Variants in CSMD2 observed in about 807,000 individuals in gnomAD.
The protein encoded by CSMD2 is CUB and Sushi multiple domains 2.
A neutral mutation model predicts 398.5 loss-of-function variants in CSMD2; 130 were observed. The ratio of observed to expected loss-of-function variants is 0.33; its 90% CI spans 0.28 to 0.38. CSMD2 has a LOEUF of 0.38. Among genes scored for constraint, CSMD2 ranks in the 10% least tolerant of loss-of-function variants. The pLI, the probability that CSMD2 is intolerant of heterozygous loss-of-function variation, is 1.00. For missense variants in CSMD2, 3,829 were observed against 4,764.9 expected (o/e 0.80, Z 5.78); for synonymous variants, 1,828 against 1,908.5 (o/e 0.96, Z 1.10).
intron 25 of CSMD2, among the ~76,000 whole-genome samples, chr1:33,687,125 T>C (rs1290141600): frequency 1.3e-5 from 2 of 152,186 alleles, no homozygotes; most frequent in African/African-American, 4.8e-5. Flanking sequence ...TCAGGTAGGC[T>C]GGTACCAGAG....
At chr1:34,089,608 A>C (rs1436611011) in intron 1 of CSMD2, among the ~76,000 whole-genome samples, 2 of 152,094 alleles carry the variant, frequency 1.3e-5, no homozygotes, top group African/African-American at 2.4e-5. Flanking sequence ...CTCTCCATAG[A>C]AAATAAAAGC....
At chr1:33,685,861 G>A (rs1191083116) in intron 25 of CSMD2, among the ~76,000 whole-genome samples, 2 of 152,192 alleles carry the variant, frequency 1.3e-5, no homozygotes, top group Non-Finnish European at 2.9e-5. Context: ...TGGCAGACAA[G>A]GCCTGGCCTT....
At chr1:33,782,618 G>A (rs1365244428) in intron 12 of CSMD2, among the ~76,000 whole-genome samples, 2 of 152,178 alleles carry the variant, frequency 1.3e-5, no homozygotes, top group Non-Finnish European at 2.9e-5. Context: ...AGGTGGTAAA[G>A]TGGACCAAAA....
At chr1:33,756,135 T>C (rs1267725403) in intron 13 of CSMD2, among the ~76,000 whole-genome samples, 1 of 152,212 alleles carries the variant, frequency 6.6e-6, no homozygotes, top group Admixed American at 6.5e-5. Flanking sequence ...GCTTTTACCT[T>C]TTGAAATATG....
rs140445930 is a variant in CSMD2, at chr1:34,107,968, T to C, written c.188-18775A>G. On this transcript the variant is annotated intron_variant, in intron 1 of 70. Coordinates refer to ENST00000373381, the MANE Select transcript of CSMD2 (RefSeq NM_001281956.2). ...GCTGCTGTTTCTCTCACCATGAGAA[T>C]CTCATGAGGGCAGGACCACGCCTGA... Among the ~76,000 whole-genome samples the C allele has an allele frequency of 5.9e-3, 900 of 152,308 alleles. 13 individuals carry two copies. The highest frequency in any genetic ancestry group is 0.021 in the African/African-American group (858 of 41,562).
At chr1:33,982,348 G>T (rs1182677407) in intron 3 of CSMD2, among the ~76,000 whole-genome samples, 3 of 152,154 alleles carry the variant, frequency 2.0e-5, no homozygotes, top group Non-Finnish European at 4.4e-5. Flanking sequence ...GTGCCACAGT[G>T]CCCAAGCCCT....
chr1:33,732,629 T>C (rs1646757648), intron 15 of CSMD2, among the ~76,000 whole-genome samples: 1 of 152,122 alleles, frequency 6.6e-6, no homozygotes, highest in Non-Finnish European at 1.5e-5. Context: ...AAAATAAATT[T>C]ATGTTGTTTA....
At chr1:33,669,539 A>T (rs369479917) in intron 25 of CSMD2, among the ~76,000 whole-genome samples, 4 of 152,008 alleles carry the variant, frequency 2.6e-5, no homozygotes, top group African/African-American at 9.7e-5. Context: ...CATTCTTCTA[A>T]CCCTTTACTG....
rs1346108629 is a variant in CSMD2 at position 34,032,658 on chromosome 1, G to A, written c.453C>T (p.Thr151=). The change falls in exon 3 of 71, where the codon ACC becomes ACT. Residue 151 remains threonine, a synonymous_variant. Transcript: ENST00000373381. ...AGTCGCTGATGAGGCGCAGAGAGAG[G>A]GTGGTGGCTGCACTAACAATGGTGG... ...LPATIVSAAT[T]LSLRLISDYA... is the part of the protein sequence containing the mutation. 2 of 1,602,772 alleles carry A rather than the reference G, an allele frequency of 1.2e-6. No individual in the cohort carries two copies. Among genetic ancestry groups the A allele is most frequent in the Admixed American group, 1.7e-5 (1 of 58,562 alleles).
chr1:33,740,457 C>T (rs1647022018), intron 14 of CSMD2, among the ~76,000 whole-genome samples: 1 of 152,156 alleles, frequency 6.6e-6, no homozygotes, highest in Admixed American at 6.5e-5. Flanking sequence ...TTTGCACATT[C>T]AGAAACAGCA....
At chr1:33,526,963 T>C (rs920346088) in intron 65 of CSMD2, among the ~76,000 whole-genome samples, 1 of 152,218 alleles carries the variant, frequency 6.6e-6, no homozygotes, top group African/African-American at 2.4e-5. Flanking sequence ...GAGCTTCCAG[T>C]TGGAAGTTGC....
chr1:34,093,738 T>G (rs10436870), intron 1 of CSMD2, among the ~76,000 whole-genome samples: 1 of 150,932 alleles, frequency 6.6e-6, no homozygotes, highest in Non-Finnish European at 1.5e-5. Context: ...AGCAAAGCCT[T>G]CAAGAAATAT....
chr1:33,796,960 C>T (rs1262705310), intron 10 of CSMD2, among the ~76,000 whole-genome samples: 1 of 152,172 alleles, frequency 6.6e-6, no homozygotes, highest in Non-Finnish European at 1.5e-5. Flanking sequence ...GCAGTACCCT[C>T]AGGCTTATTA....
intron 2 of CSMD2, among the ~76,000 whole-genome samples, chr1:34,078,062 C>T (rs1656640611): frequency 6.6e-6 from 1 of 152,030 alleles, no homozygotes; most frequent in African/African-American, 2.4e-5. Flanking sequence ...CTTGAATTCC[C>T]AGGTTCAAAC....
At chr1:33,551,171 G>A (rs1335746214) in intron 55 of CSMD2, among the ~76,000 whole-genome samples, 1 of 152,244 alleles carries the variant, frequency 6.6e-6, no homozygotes, top group Non-Finnish European at 1.5e-5. Context: ...CCAGAGGCCA[G>A]AGTGAGTTTG....
chr1:33,604,780 G>A (rs1640472543), intron 42 of CSMD2, among the ~76,000 whole-genome samples: 1 of 151,936 alleles, frequency 6.6e-6, no homozygotes, highest in Admixed American at 6.6e-5. Flanking sequence ...CCAGCTCCCT[G>A]ATAGATCAAC....
chr1:34,133,795 G>A (rs4653393), intron 1 of CSMD2, among the ~76,000 whole-genome samples: 51,501 of 151,654 alleles, frequency 0.34, 9,634 homozygotes, highest in Non-Finnish European at 0.41. Flanking sequence ...GGCAGGCTGG[G>A]TATGGTGACT....
At chr1:33,542,466 G>A (rs1024630742) in intron 58 of CSMD2, among the ~76,000 whole-genome samples, 1 of 152,234 alleles carries the variant, frequency 6.6e-6, no homozygotes, top group Non-Finnish European at 1.5e-5. Context: ...ACAAAATGGG[G>A]ATAATAGTAG....
rs546987246 is a variant in CSMD2, at chr1:33,533,687, C to T, written c.9991+109G>A. 10 of 702,386 alleles carry T rather than the reference C, an allele frequency of 1.4e-5. No homozygotes were observed. Among genetic ancestry groups the T allele is most frequent in the Middle Eastern group, 4.8e-4 (2 of 4,124 alleles). The allele number at this position is 702,386 out of a possible 1,614,324, so 43.5% of individuals were successfully genotyped here. A position where few individuals can be genotyped will look rare whatever the true frequency, so the allele number is the denominator to read the frequency against. On this transcript the variant is annotated intron_variant, in intron 63 of 70. Transcript: ENST00000373381. This position sits in a 1 kb window ranked among gnomAD's most constrained non-coding sequence, Gnocchi z 4.2. Reference sequence around the variant, plus strand: ...GACTACAAAGAGACCGATGTCGGTTCGCATGGGGAGTTGTGAACTCCCTGT... The same window carrying T: ...GACTACAAAGAGACCGATGTCGGTTTGCATGGGGAGTTGTGAACTCCCTGT...
Sources: gnomAD v4.1 joint callset for allele counts (sites outside exome capture counted in the v4.1 genomes callset) on GRCh38, gnomAD v4.1.1 for gene constraint, Gnocchi (gnomAD v3.1) non-coding constraint, MANE v1.5 for transcripts, NCBI Gene and HGNC (gene_info 2026-07-23, HGNC 2026-07-21) for gene names.